NOS1: variants seen among roughly 807,000 people sequenced by gnomAD.
The protein encoded by NOS1 is NOS type I.
In NOS1, 51 loss-of-function variants were observed where a neutral mutation model predicts 164.5. The observed-to-expected ratio is 0.31, with a 90% CI of 0.25 to 0.39. The LOEUF is 0.39. NOS1 is among the 10% of genes least tolerant of loss of function. NOS1 has a pLI of 1.00. For synonymous variants in NOS1, 719 were observed against 745.8 expected (o/e 0.96, Z 0.59); for missense variants, 1,362 against 1,885.6 (o/e 0.72, Z 5.14).
At chr12:117,267,863 C>T (rs1407678451) in intron 11 of NOS1, among the ~76,000 whole-genome samples, 180 bp downstream of exon 11, 1 of 152,138 alleles carries the variant, frequency 6.6e-6, no homozygotes, top group East Asian at 1.9e-4. Context: ...AAATGGTCCC[C>T]ACCCAAGATC....
At chr12:117,334,135 A>C (rs959870663) in intron 1 of NOS1, among the ~76,000 whole-genome samples, 4 of 152,156 alleles carry the variant, frequency 2.6e-5, no homozygotes, top group Non-Finnish European at 5.9e-5. Context: ...GAAATGAAGC[A>C]ATTGGCAACA....
At chr12:117,357,196 G>A (rs1876894227) in intron 1 of NOS1, among the ~76,000 whole-genome samples, 1 of 152,138 alleles carries the variant, frequency 6.6e-6, no homozygotes, top group South Asian at 2.1e-4. Context: ...GGTGGCACAG[G>A]CCTGTAGTCC....
intron 1 of NOS1, among the ~76,000 whole-genome samples, chr12:117,354,463 T>A (rs1876772140): frequency 1.3e-5 from 2 of 151,590 alleles, no homozygotes; most frequent in Non-Finnish European, 1.5e-5. Flanking sequence ...TTCTGGCACA[T>A]GAACATAACT....
intron 1 of NOS1, among the ~76,000 whole-genome samples, chr12:117,344,927 A>G (rs1876273453): frequency 6.6e-6 from 1 of 152,212 alleles, no homozygotes; most frequent in African/African-American, 2.4e-5. Flanking sequence ...TAGTCAGGAA[A>G]GGACTTGCCT....
chr12:117,282,975 C>G (rs557293602), intron 7 of NOS1, among the ~76,000 whole-genome samples: 2 of 151,216 alleles, frequency 1.3e-5, no homozygotes, highest in East Asian at 3.9e-4. Context: ...AAACCTGCAT[C>G]TCTCCCTCTC....
At chr12:117,247,878 G>A (rs1345866940) in intron 17 of NOS1, among the ~76,000 whole-genome samples, 2 of 151,316 alleles carry the variant, frequency 1.3e-5, no homozygotes, top group African/African-American at 2.4e-5. Flanking sequence ...CCCGGGAGGC[G>A]GAGCTTATAG....
At chr12:117,277,889 TG>T in intron 9 of NOS1, 69 bp downstream of exon 9, 1 of 1,505,538 alleles carries the variant, frequency 6.6e-7, no homozygotes, top group Non-Finnish European at 9.0e-7. Context: ...CCAGGGGGGA[TG>T]GGGCTGGGCA....
At chr12:117,217,563 G>C (rs1956630741) in intron 28 of NOS1, among the ~76,000 whole-genome samples, 1 of 152,038 alleles carries the variant, frequency 6.6e-6, no homozygotes, top group Non-Finnish European at 1.5e-5. Context: ...AACTTAGCCG[G>C]GTGTGGTGGT....
intron 2 of NOS1, among the ~76,000 whole-genome samples, chr12:117,321,232 A>C (rs1340827611): frequency 1.3e-5 from 2 of 151,736 alleles, no homozygotes; most frequent in Non-Finnish European, 2.9e-5. Context: ...CTGGTCTCAA[A>C]CTCCTGACCT....
At chr12:117,311,991 A>T (rs1324473047) in intron 2 of NOS1, among the ~76,000 whole-genome samples, 1 of 152,032 alleles carries the variant, frequency 6.6e-6, no homozygotes, top group Non-Finnish European at 1.5e-5. Context: ...TGTTCATGAC[A>T]CCTACCAGTG....
intron 2 of NOS1, among the ~76,000 whole-genome samples, chr12:117,318,182 A>C (rs563536457): frequency 1.3e-5 from 2 of 151,584 alleles, no homozygotes; most frequent in South Asian, 2.1e-4. Flanking sequence ...ACACACACAC[A>C]CCCCTCAGAT....
intron 9 of NOS1, among the ~76,000 whole-genome samples, chr12:117,276,069 G>C (rs1276808438): frequency 1.3e-5 from 2 of 151,994 alleles, no homozygotes; most frequent in Non-Finnish European, 2.9e-5. Flanking sequence ...TACATAGTAG[G>C]TGCATGTACT....
chr12:117,272,679 T>A lies in NOS1; in HGVS notation c.1665-120A>T. The stretch of plus-strand genomic sequence containing the variant: ...GGGACTGACAAGGTCAGAATATGGT[T>A]CCTGGGCCCTGCTTCAGATCTGTGG... On this transcript the variant is annotated intron_variant, in intron 9 of 28. Coordinates refer to ENST00000317775, the MANE Select transcript of NOS1 (RefSeq NM_000620.5). The surrounding 1 kb of genome is among the most constrained non-coding windows in gnomAD (Gnocchi z 4.3). 1 of 881,472 alleles carries A rather than the reference T, an allele frequency of 1.1e-6. No individual in the cohort carries two copies. The highest frequency in any genetic ancestry group is 1.9e-5 in the South Asian group (1 of 53,828). The allele number at this position is 881,472 out of a possible 1,614,324, so 54.6% of individuals were successfully genotyped here.
chr12:117,215,438 CTTT>C (rs149003143), intron 28 of NOS1, 114 bp from the exon 29 acceptor site: 3,810 of 993,182 alleles, frequency 3.8e-3, no homozygotes, highest in South Asian at 4.6e-3. Context: ...TTGTCTCTTT[CTTT>C]TTTTTTTTTT....
intron 22 of NOS1, among the ~76,000 whole-genome samples, chr12:117,228,986 T>G (rs1464791684): frequency 6.6e-6 from 1 of 152,128 alleles, no homozygotes. Context: ...TTTCACCGTG[T>G]TAGCCAGGAT....
At chr12:117,351,986 C>T (rs1273936168) in intron 1 of NOS1, among the ~76,000 whole-genome samples, 2 of 152,052 alleles carry the variant, frequency 1.3e-5, no homozygotes, top group African/African-American at 4.8e-5. Context: ...CTTGAAACCA[C>T]CTTGGGCAAC....
Position 117,260,623 on chromosome 12 carries a change from G to A in NOS1, c.2223-14C>T, listed in dbSNP as rs988351182. 6 of 1,604,030 alleles carry A rather than the reference G, an allele frequency of 3.7e-6. No homozygotes were observed. Among genetic ancestry groups the A allele is most frequent in the Non-Finnish European group, 5.1e-6 (6 of 1,172,158 alleles). On this transcript the variant is annotated splice_polypyrimidine_tract_variant and intron_variant, in intron 13 of 28. Transcript: ENST00000317775. ...AACTTGACAGCTCTGGAGGGAAGAG[G>A]ATGGAGATGAAAAATGGGCAACAGA... is the stretch of plus-strand genomic sequence containing the variant.
At chr12:117,349,769 G>A (rs1876532037) in intron 1 of NOS1, among the ~76,000 whole-genome samples, 1 of 152,126 alleles carries the variant, frequency 6.6e-6, no homozygotes, top group Admixed American at 6.5e-5. Flanking sequence ...TGTTGCCCAG[G>A]CTGGAGTGCA....
At chr12:117,219,203 G>C (rs1428412919) in intron 27 of NOS1, among the ~76,000 whole-genome samples, 1 of 152,004 alleles carries the variant, frequency 6.6e-6, no homozygotes, top group Non-Finnish European at 1.5e-5. Context: ...GGATGGTCTC[G>C]ATCTCTTGAC....
Sources: allele counts gnomAD v4.1 joint callset (sites outside exome capture counted in the v4.1 genomes callset), GRCh38; gene constraint gnomAD v4.1.1; non-coding constraint Gnocchi (gnomAD v3.1); transcripts MANE v1.5; gene names NCBI Gene and HGNC (gene_info 2026-07-23, HGNC 2026-07-21).